The following ANKS1B variants were observed in gnomAD, a reference collection of about 807,000 sequenced individuals.
ANKS1B encodes the protein ankyrin repeat and sterile alpha motif domain-containing protein 1B.
A neutral mutation model predicts 148.3 loss-of-function variants in ANKS1B; 36 were observed. The ratio of observed to expected loss-of-function variants is 0.24; its 90% CI spans 0.19 to 0.32. The LOEUF is 0.32. Among genes scored for constraint, ANKS1B ranks in the 10% least tolerant of loss-of-function variants. ANKS1B has a pLI of 1.00. For synonymous variants in ANKS1B, 542 were observed against 560.8 expected, an observed-to-expected ratio of 0.97 and a Z score of 0.47; for missense variants, 1,157 against 1,542.6, an observed-to-expected ratio of 0.75 and a Z score of 4.19.
rs182089680 is a variant in ANKS1B at position 98,972,786 on chromosome 12, G to A, written c.2778+80371C>T. The stretch of plus-strand genomic sequence containing the variant: ...GACTGGTATTTTGCTTGATATGGGT[G>A]TTTCAATATCATCTGCTCCTAAAAT... On this transcript the variant is annotated intron_variant, in intron 17 of 26. Transcript: ENST00000683438. Among the ~76,000 whole-genome samples the A allele has an allele frequency of 1.3e-4, 20 of 152,232 alleles. No individual in the cohort carries two copies. The East Asian group carries it at 2.5e-3, about 19-fold the overall frequency.
chr12:99,624,351 G>C (rs2098088540), intron 9 of ANKS1B, among the ~76,000 whole-genome samples: 1 of 151,926 alleles, frequency 6.6e-6, no homozygotes, highest in Non-Finnish European at 1.5e-5. Flanking sequence ...TTGACAAAGA[G>C]TTTATGGCAA....
intron 11 of ANKS1B, among the ~76,000 whole-genome samples, chr12:99,422,018 C>T (rs1260789357): frequency 6.6e-6 from 1 of 152,166 alleles, no homozygotes; most frequent in Non-Finnish European, 1.5e-5. Flanking sequence ...TTAGGCCTCC[C>T]CAGAAGCCAA....
intron 12 of ANKS1B, among the ~76,000 whole-genome samples, chr12:99,312,511 C>T (rs60272477): frequency 0.032 from 4,841 of 152,084 alleles, 257 homozygotes; most frequent in African/African-American, 0.1. Context: ...TCTGACTTTT[C>T]GTGAAATGCT....
intron 17 of ANKS1B, among the ~76,000 whole-genome samples, chr12:98,851,686 G>A (rs1350262477): frequency 2.0e-5 from 3 of 152,082 alleles, no homozygotes; most frequent in Non-Finnish European, 4.4e-5. Flanking sequence ...TGTATACTCG[G>A]TAAATACAAG....
chr12:99,073,543 G>C (rs1320222452), intron 16 of ANKS1B, among the ~76,000 whole-genome samples: 1 of 152,146 alleles, frequency 6.6e-6, no homozygotes, highest in Admixed American at 6.6e-5. Context: ...AATGACCCCG[G>C]TGGCTGCTGG....
At chr12:99,697,971 A>C (rs1052879270) in intron 8 of ANKS1B, among the ~76,000 whole-genome samples, 7 of 152,116 alleles carry the variant, frequency 4.6e-5, no homozygotes, top group Non-Finnish European at 8.8e-5. Flanking sequence ...TGATTAAGAA[A>C]AACGGGGCAG....
chr12:99,818,618 T>C (rs1237617283), intron 2 of ANKS1B, among the ~76,000 whole-genome samples: 2 of 151,452 alleles, frequency 1.3e-5, no homozygotes, highest in African/African-American at 4.8e-5. Context: ...CTAAAGCAAA[T>C]GTGGTTGACA....
chr12:98,863,566 A>C (rs2099610222), intron 17 of ANKS1B, among the ~76,000 whole-genome samples: 1 of 152,200 alleles, frequency 6.6e-6, no homozygotes, highest in Non-Finnish European at 1.5e-5. Context: ...TATTGAATAA[A>C]GTGTGTTGGT....
chr12:99,044,228 C>G (rs2099960871), intron 17 of ANKS1B, among the ~76,000 whole-genome samples: 1 of 151,146 alleles, frequency 6.6e-6, no homozygotes, highest in Non-Finnish European at 1.5e-5. Flanking sequence ...TTTTTTTTAG[C>G]AACAGGCTCT....
intron 14 of ANKS1B, among the ~76,000 whole-genome samples, chr12:99,196,653 T>A (rs142811132): frequency 0.023 from 3,544 of 152,100 alleles, 118 homozygotes; most frequent in African/African-American, 0.074. Context: ...CTTTAAGTTT[T>A]AGGGTACATG....
chr12:99,957,777 C>T (rs1361200597), intron 1 of ANKS1B, among the ~76,000 whole-genome samples: 2 of 152,172 alleles, frequency 1.3e-5, no homozygotes, highest in African/African-American at 2.4e-5. Flanking sequence ...ACCAAGACTA[C>T]CTTCTCAGTC....
chr12:99,275,074 T>A (rs539789791), intron 12 of ANKS1B, among the ~76,000 whole-genome samples: 1 of 152,298 alleles, frequency 6.6e-6, no homozygotes, highest in South Asian at 2.1e-4. Flanking sequence ...TGTGGGTAGA[T>A]AGTAGGTGTA....
At chr12:99,517,896 A>C (rs914603160) in intron 9 of ANKS1B, among the ~76,000 whole-genome samples, 1 of 152,206 alleles carries the variant, frequency 6.6e-6, no homozygotes, top group East Asian at 1.9e-4. Context: ...TGTTCCTTCT[A>C]TACTCAGTTT....
chr12:99,966,148 T>C (rs569884659), intron 1 of ANKS1B, among the ~76,000 whole-genome samples: 2 of 152,280 alleles, frequency 1.3e-5, no homozygotes, highest in South Asian at 2.1e-4. Context: ...AAAGACATTA[T>C]TGGGACAGTT....
intron 8 of ANKS1B, among the ~76,000 whole-genome samples, chr12:99,762,482 C>A (rs532932557): frequency 6.6e-6 from 1 of 151,358 alleles, no homozygotes; most frequent in African/African-American, 2.4e-5. Flanking sequence ...GCTAGCCATA[C>A]GCAGAATGAA....
chr12:99,463,636 A>G (rs1425734434), intron 10 of ANKS1B, among the ~76,000 whole-genome samples: 1 of 152,194 alleles, frequency 6.6e-6, no homozygotes, highest in Non-Finnish European at 1.5e-5. Flanking sequence ...CCAGGAGATT[A>G]TATCCTGTGC....
chr12:99,974,905 T>G (rs571245480), intron 1 of ANKS1B, among the ~76,000 whole-genome samples: 26 of 152,226 alleles, frequency 1.7e-4, no homozygotes, highest in African/African-American at 6.3e-4. Flanking sequence ...CCAGAAGGTT[T>G]TCAATTTACT....
At chr12:99,824,844 A>C (rs1278863664) in intron 2 of ANKS1B, among the ~76,000 whole-genome samples, 2 of 152,222 alleles carry the variant, frequency 1.3e-5, no homozygotes, top group Admixed American at 6.5e-5. Context: ...ATGAATGACA[A>C]AGATAAAACA....
chr12:99,433,018 C>T (rs560030823), intron 11 of ANKS1B, among the ~76,000 whole-genome samples: 4 of 152,182 alleles, frequency 2.6e-5, no homozygotes, highest in Admixed American at 6.5e-5. Context: ...GGCCAAGTTA[C>T]AAAAGGACAA....
Sources: allele counts gnomAD v4.1 joint callset (sites outside exome capture counted in the v4.1 genomes callset), GRCh38; gene constraint gnomAD v4.1.1; transcripts MANE v1.5; gene names NCBI Gene and HGNC (gene_info 2026-07-23, HGNC 2026-07-21).